The following TNFSF18 variants were observed in gnomAD, a reference collection of about 807,000 sequenced individuals.
The protein encoded by TNFSF18 is tumor necrosis factor ligand superfamily member 18.
A neutral mutation model predicts 9.6 loss-of-function variants in TNFSF18; 6 were observed. The ratio of observed to expected loss-of-function variants is 0.63; its 90% CI spans 0.34 to 1.24. The LOEUF is 1.24. Ranked by LOEUF, TNFSF18 falls within the 50% of genes most tolerant of loss-of-function variation. TNFSF18 has a pLI of 0.03. For synonymous variants in TNFSF18, 68 were observed against 71.7 expected (o/e 0.95, Z 0.26); for missense variants, 210 against 201.0 (o/e 1.04, Z -0.27).
rs1285967373 is a variant in TNFSF18, at chr1:173,041,577, A to C, written c.324T>G (p.Asn108Lys). 1.2e-6 allele frequency: 2 copies of C among 1,613,558 alleles called. No homozygotes were observed. Among genetic ancestry groups the C allele is most frequent in the South Asian group, 1.1e-5 (1 of 91,070 alleles). Residue 108 changes from asparagine (N) to lysine (K), a missense_variant, in exon 3 of 3, where the codon AAT becomes AAG. Transcript: ENST00000404377. ...GCCGCACCTCAAAAGGAGCTACATCATTGTAGTTTGCATTGGGAGCCACTT... is the reference window on the plus strand; with the variant it reads ...GCCGCACCTCAAAAGGAGCTACATCCTTGTAGTTTGCATTGGGAGCCACTT... ...YGQVAPNANY[N>K]DVAPFEVRLY...
Position 173,041,556 on chromosome 1 carries a change from C to T in TNFSF18, c.345G>A (p.Val115=), listed in dbSNP as rs935023336. ...TCATGTCTTTGTTTTTATACAGCCGCACCTCAAAAGGAGCTACATCATTGT... is the reference window on the plus strand; with the variant it reads ...TCATGTCTTTGTTTTTATACAGCCGTACCTCAAAAGGAGCTACATCATTGT... ...ANYNDVAPFE[V]RLYKNKDMIQ... is the part of the protein sequence containing the mutation. The change falls in exon 3 of 3, where the codon GTG becomes GTA. Residue 115 remains valine, a synonymous_variant. Transcript: ENST00000404377. The T allele has an allele frequency of 3.1e-6, 5 of 1,613,378 alleles. No individual in the cohort carries two copies. The African/African-American group carries it at 5.3e-5, about 17-fold the overall frequency.
chr1:173,046,157 A>G (rs1370751498), intron 1 of TNFSF18, among the ~76,000 whole-genome samples: 1 of 152,228 alleles, frequency 6.6e-6, no homozygotes, highest in Non-Finnish European at 1.5e-5. Flanking sequence ...GTTTTTCTTC[A>G]GATATATTCA....
In TNFSF18 at chr1:173,041,701, G is replaced by T. The variant is rs548144006; in HGVS notation, c.200C>A (p.Ser67Ter). The T allele has an allele frequency of 6.2e-7, 1 of 1,601,974 alleles. No homozygotes were observed. Among genetic ancestry groups the T allele is most frequent in the South Asian group, 1.1e-5 (1 of 88,844 alleles). ...PCMAKFGPLP[S>*]KWQMASSEPP... ...TTCAGAAGATGCCATTTGCCATTTTGAGGGTAATGGTCCTATAAGAAATAT... is the reference window on the plus strand; with the variant it reads ...TTCAGAAGATGCCATTTGCCATTTTTAGGGTAATGGTCCTATAAGAAATAT... Residue 67 changes from serine (S) to a stop codon, truncating the protein, a stop_gained, in exon 3 of 3, where the codon TCA becomes TAA. Transcript: ENST00000404377. LOFTEE classifies it low-confidence loss of function (END_TRUNC).
chr1:173,042,758 A>T (rs921186231), intron 2 of TNFSF18, among the ~76,000 whole-genome samples: 2 of 152,106 alleles, frequency 1.3e-5, no homozygotes, highest in African/African-American at 4.8e-5. Context: ...TCTGTTCTGC[A>T]ATTCTCCATA....
chr1:173,041,709 T>C lies in TNFSF18; in HGVS notation c.192A>G (p.Pro64=), dbSNP rs746838463. 1.3e-6 allele frequency: 2 copies of C among 1,592,562 alleles called. No individual in the cohort carries two copies. The highest frequency in any genetic ancestry group is 2.2e-5 in the East Asian group (1 of 44,674). The change falls in exon 3 of 3, where the codon CCA becomes CCG. Residue 64 remains proline, a synonymous_variant. Transcript: ENST00000404377. ...AKEPCMAKFG[P]LPSKWQMASS... ...ATGCCATTTGCCATTTTGAGGGTAA[T>C]GGTCCTATAAGAAATATACAAGGAT...
rs1650325978 is a variant in TNFSF18, at chr1:173,047,221, T to C, written c.157-3252A>G. Reference sequence around the variant, plus strand: ...TCTTGCAATTATTTCATCCTCATTTTGGTGTTTCCTGGAGGAGATGTTGAA... The same window carrying C: ...TCTTGCAATTATTTCATCCTCATTTCGGTGTTTCCTGGAGGAGATGTTGAA... On this transcript the variant is annotated intron_variant, in intron 1 of 2. Coordinates refer to ENST00000404377, the MANE Select transcript of TNFSF18 (RefSeq NM_005092.4). Among the ~76,000 whole-genome samples, 6 of 152,282 alleles carry C rather than the reference T, an allele frequency of 3.9e-5. No homozygotes were observed. The South Asian group carries it at 1.0e-3, about 26-fold the overall frequency.
rs1353199185 is a variant in TNFSF18, at chr1:173,039,735, CAT to C, written c.*1630_*1631del. Among the ~76,000 whole-genome samples, 63 of 145,178 alleles carry C rather than the reference CAT, an allele frequency of 4.3e-4. No homozygotes were observed. Among genetic ancestry groups the C allele is most frequent in the East Asian group, 2.0e-3 (10 of 4,954 alleles). On this transcript the variant is annotated 3_prime_UTR_variant, in exon 3 of 3. Coordinates refer to ENST00000404377, the MANE Select transcript of TNFSF18 (RefSeq NM_005092.4). ...AAGTATACATATATATACACACACA[CAT>C]ATACACACACACACACACACACACA...
rs1311079281 is a variant in TNFSF18, at chr1:173,040,709, G to A, written c.*658C>T. The A allele has an allele frequency of 4.6e-5, 7 of 152,264 alleles. No individual in the cohort carries two copies. Among genetic ancestry groups the A allele is most frequent in the Middle Eastern group, 3.4e-3 (1 of 294 alleles). The allele number at this position is 152,264 out of a possible 1,614,324, so 9.4% of individuals were successfully genotyped here. A position where few individuals can be genotyped will look rare whatever the true frequency, so the allele number is the denominator to read the frequency against. The stretch of plus-strand genomic sequence containing the variant: ...ACAGTAAGGTCTCACAAAGCTCTAC[G>A]TGAGGGTTCGGAATGACTCCTTTGA... On this transcript the variant is annotated 3_prime_UTR_variant, in exon 3 of 3. Coordinates refer to ENST00000404377, the MANE Select transcript of TNFSF18 (RefSeq NM_005092.4).
At position 173,047,746 on chromosome 1, in the gene TNFSF18, C is replaced by T. The variant is rs572276130; in HGVS notation, c.156+2995G>A. On this transcript the variant is annotated intron_variant, in intron 1 of 2. Coordinates refer to ENST00000404377, the MANE Select transcript of TNFSF18 (RefSeq NM_005092.4). Reference sequence around the variant, plus strand: ...AACTAATTTCCAGAGTCAGAAATTCCGTATAATATACTGCAGGCTGCTTTA... The same window carrying T: ...AACTAATTTCCAGAGTCAGAAATTCTGTATAATATACTGCAGGCTGCTTTA... Among the ~76,000 whole-genome samples the T allele has an allele frequency of 6.6e-5, 10 of 152,156 alleles. No homozygotes were observed. The South Asian group carries it at 1.9e-3, about 28-fold the overall frequency.
chr1:173,047,252 A>G (rs1571473549), intron 1 of TNFSF18, among the ~76,000 whole-genome samples: 1 of 152,146 alleles, frequency 6.6e-6, no homozygotes, highest in South Asian at 2.1e-4. Context: ...TTGAAATTCA[A>G]TTTAGTTCAA....
In TNFSF18 at chr1:173,041,343, G is replaced by A. The variant is rs200648807; in HGVS notation, c.*24C>T. The A allele has an allele frequency of 4.5e-6, 7 of 1,551,364 alleles. No individual in the cohort carries two copies. Among genetic ancestry groups the A allele is most frequent in the Non-Finnish European group, 6.2e-6 (7 of 1,137,682 alleles). On this transcript the variant is annotated 3_prime_UTR_variant, in exon 3 of 3. Coordinates refer to ENST00000404377, the MANE Select transcript of TNFSF18 (RefSeq NM_005092.4). ...CTGGCACCTCTACATGTGCTGAAGG[G>A]AATGAGGAGATCAAATCAAGTCTCT... is the stretch of plus-strand genomic sequence containing the variant.
At position 173,046,873 on chromosome 1, in the gene TNFSF18, GTTT is replaced by G. The variant is rs869068788; in HGVS notation, c.157-2907_157-2905del. On this transcript the variant is annotated intron_variant, in intron 1 of 2. Coordinates refer to ENST00000404377, the MANE Select transcript of TNFSF18 (RefSeq NM_005092.4). ...ATAAATTTTTTGATTCCCTACACTTGTTTTTTTTTGTTGTTGTTGTTGTTGTTG... is the reference window on the plus strand; with the variant it reads ...ATAAATTTTTTGATTCCCTACACTTGTTTTTTGTTGTTGTTGTTGTTGTTG... Among the ~76,000 whole-genome samples the G allele has an allele frequency of 7.6e-3, 1,054 of 137,960 alleles. 12 individuals carry two copies. The highest frequency in any genetic ancestry group is 0.024 in the African/African-American group (990 of 40,448). The allele number at this position is 137,960 out of a possible 152,430, so 90.5% of individuals were successfully genotyped here.
rs757892790 is a variant in TNFSF18, at chr1:173,043,926, A to G, written c.187+13T>C. ...CTAAGAAAAGTAAAAGACATGCAAG[A>G]TAGGTTACTCACCAAACTTAGCCAT... On this transcript the variant is annotated intron_variant, in intron 2 of 2. Coordinates refer to ENST00000404377, the MANE Select transcript of TNFSF18 (RefSeq NM_005092.4). The G allele has an allele frequency of 6.2e-7, 1 of 1,610,816 alleles. No homozygotes were observed. The highest frequency in any genetic ancestry group is 1.1e-5 in the South Asian group (1 of 90,998).
intron 2 of TNFSF18, among the ~76,000 whole-genome samples, chr1:173,042,237 G>A (rs1665006116): frequency 6.6e-6 from 1 of 152,060 alleles, no homozygotes; most frequent in Non-Finnish European, 1.5e-5. Context: ...TCAGTGTCTA[G>A]GATGTTATAA....
At chr1:173,046,902 TTG>T (rs59156565) in intron 1 of TNFSF18, among the ~76,000 whole-genome samples, 42,973 of 151,080 alleles carry the variant, frequency 0.28, 7,200 homozygotes, top group East Asian at 0.78. Flanking sequence ...GTTGTTGTTG[TTG>T]TTTTTTGAGA....
At chr1:173,046,494 A>G (rs748302689) in intron 1 of TNFSF18, among the ~76,000 whole-genome samples, 1 of 152,238 alleles carries the variant, frequency 6.6e-6, no homozygotes, top group Non-Finnish European at 1.5e-5. Flanking sequence ...TAACATATCA[A>G]ACTTCAAATT....
At position 173,041,516 on chromosome 1, in the gene TNFSF18, T is replaced by C. The variant is rs765702906; in HGVS notation, c.385A>G (p.Asn129Asp). ...KNKDMIQTLTNKSKIQNVGGT... is the reference protein window; with the variant it reads ...KNKDMIQTLTDKSKIQNVGGT... ...CCTACATTTTGGATTTTAGATTTGT[T>C]TGTTAGAGTTTGTATCATGTCTTTG... Residue 129 changes from asparagine (N) to aspartate (D), a missense_variant, in exon 3 of 3, where the codon AAC (asparagine) becomes GAC (aspartate). Asn to Asp is a conservative substitution (Grantham distance 23, BLOSUM62 1). Coordinates refer to ENST00000404377, the MANE Select transcript of TNFSF18 (RefSeq NM_005092.4). 4 of 1,613,530 alleles carry C rather than the reference T, an allele frequency of 2.5e-6. No individual in the cohort carries two copies. The Admixed American group carries it at 5.0e-5, about 20-fold the overall frequency.
At chr1:173,043,408 G>A (rs1185900683) in intron 2 of TNFSF18, among the ~76,000 whole-genome samples, 1 of 152,166 alleles carries the variant, frequency 6.6e-6, no homozygotes, top group Non-Finnish European at 1.5e-5. Flanking sequence ...GTAAACTGGT[G>A]TGTTTTCTAA....
intron 1 of TNFSF18, among the ~76,000 whole-genome samples, chr1:173,050,002 T>C (rs1393236300): frequency 6.6e-6 from 1 of 152,178 alleles, no homozygotes; most frequent in Admixed American, 6.5e-5. Context: ...ATATGGGCTT[T>C]CTCATTCCTC....
Sources: allele counts gnomAD v4.1 joint callset (sites outside exome capture counted in the v4.1 genomes callset), GRCh38; gene constraint gnomAD v4.1.1; transcripts MANE v1.5; gene names NCBI Gene and HGNC (gene_info 2026-07-23, HGNC 2026-07-21).